CSMD1: variants seen among roughly 807,000 people sequenced by gnomAD.
CSMD1 encodes CUB and Sushi multiple domains 1, also known as CUB and sushi domain-containing protein 1.
CSMD1 carries 213 observed loss-of-function variants against 417.5 expected under a neutral mutation model. That is an observed-to-expected ratio of 0.51 (90% CI 0.46 to 0.57). The LOEUF (loss-of-function observed/expected upper bound fraction) is 0.57. Among genes scored for constraint, CSMD1 ranks in the 20% least tolerant of loss-of-function variants. The pLI, the probability that CSMD1 is intolerant of heterozygous loss-of-function variation, is 0.00. For missense variants in CSMD1, 6,923 were observed against 4,529.7 expected, an observed-to-expected ratio of 1.53 and a Z score of -15.17; for synonymous variants, 2,862 against 1,736.8, an observed-to-expected ratio of 1.65 and a Z score of -16.11.
At chr8:3,536,689 T>C (rs1173981547) in intron 10 of CSMD1, among the ~76,000 whole-genome samples, 2 of 152,064 alleles carry the variant, frequency 1.3e-5, no homozygotes, top group East Asian at 1.9e-4. Flanking sequence ...AGCAATAGGA[T>C]CTGTGCCCTC....
intron 1 of CSMD1, among the ~76,000 whole-genome samples, chr8:4,680,385 A>T (rs1805961939): frequency 6.6e-6 from 1 of 152,198 alleles, no homozygotes; most frequent in Non-Finnish European, 1.5e-5. Flanking sequence ...ACTGTTCAAT[A>T]CAAGTGCACT....
At chr8:3,509,737 G>C (rs1563106771) in intron 10 of CSMD1, among the ~76,000 whole-genome samples, 2 of 152,128 alleles carry the variant, frequency 1.3e-5, no homozygotes, top group Admixed American at 6.5e-5. Flanking sequence ...AGAATAATCA[G>C]AGTGATATTT....
chr8:4,810,182 T>G (rs1414087245), intron 1 of CSMD1, among the ~76,000 whole-genome samples: 1 of 152,208 alleles, frequency 6.6e-6, no homozygotes, highest in Non-Finnish European at 1.5e-5. Context: ...CTTCAAGAAC[T>G]GAGCAGTATT....
intron 6 of CSMD1, among the ~76,000 whole-genome samples, chr8:3,729,414 C>T (rs140395863): frequency 3.9e-5 from 6 of 152,158 alleles, no homozygotes; most frequent in Non-Finnish European, 8.8e-5. Flanking sequence ...GCACAACTCT[C>T]TGCATGTTAA....
intron 5 of CSMD1, among the ~76,000 whole-genome samples, chr8:3,941,282 C>A (rs1315271452): frequency 6.6e-6 from 1 of 152,058 alleles, no homozygotes; most frequent in Non-Finnish European, 1.5e-5. Context: ...TACAAATTCC[C>A]AAAATATTAT....
intron 3 of CSMD1, among the ~76,000 whole-genome samples, chr8:4,149,670 T>C (rs1796463636): frequency 6.6e-6 from 1 of 152,218 alleles, no homozygotes; most frequent in South Asian, 2.1e-4. Flanking sequence ...TGCTAAGTGC[T>C]ACACTGAAGG....
intron 11 of CSMD1, among the ~76,000 whole-genome samples, chr8:3,483,825 C>G (rs1361374823): frequency 2.6e-5 from 4 of 152,024 alleles, no homozygotes; most frequent in African/African-American, 9.7e-5. Context: ...TTATGAAAGG[C>G]TGAGTCAACT....
At chr8:3,566,348 C>T (rs920084604) in intron 10 of CSMD1, among the ~76,000 whole-genome samples, 13 of 152,108 alleles carry the variant, frequency 8.5e-5, no homozygotes, top group African/African-American at 3.1e-4. Context: ...TTCCTCACAA[C>T]AAAATTTAAA....
intron 2 of CSMD1, among the ~76,000 whole-genome samples, chr8:4,553,412 T>G (rs564719589): frequency 6.6e-6 from 1 of 152,188 alleles, no homozygotes; most frequent in South Asian, 2.1e-4. Flanking sequence ...TAATTACTCC[T>G]GACAGGCATT....
chr8:4,966,026 C>G (rs758953652), intron 1 of CSMD1, among the ~76,000 whole-genome samples: 59 of 152,004 alleles, frequency 3.9e-4, no homozygotes, highest in Middle Eastern at 3.4e-3. Context: ...TTATGATATG[C>G]AAGTATTTTT....
Position 3,847,449 on chromosome 8 carries a change from C to T in CSMD1, c.819-93407G>A, listed in dbSNP as rs1803583903. ...TGCGAGCAGTGGGCAGTTTTGGGGTCCTGAGCATCTCAGCCCTATACTTGC... is the reference window on the plus strand; with the variant it reads ...TGCGAGCAGTGGGCAGTTTTGGGGTTCTGAGCATCTCAGCCCTATACTTGC... On this transcript the variant is annotated intron_variant, in intron 5 of 69. Coordinates refer to ENST00000635120, the MANE Select transcript of CSMD1 (RefSeq NM_033225.6). Among the ~76,000 whole-genome samples, 2 of 152,176 alleles carry T rather than the reference C, an allele frequency of 1.3e-5. 1 individual carries two copies. The highest frequency in any genetic ancestry group is 4.2e-4 in the South Asian group (2 of 4,812).
At chr8:4,896,351 G>A (rs1804479676) in intron 1 of CSMD1, among the ~76,000 whole-genome samples, 1 of 151,934 alleles carries the variant, frequency 6.6e-6, no homozygotes, top group Admixed American at 6.6e-5. Context: ...GCATATTTGA[G>A]CTTAACACAG....
intron 41 of CSMD1, among the ~76,000 whole-genome samples, chr8:3,126,611 A>AT (rs747560194): frequency 3.3e-5 from 5 of 152,148 alleles, no homozygotes; most frequent in Non-Finnish European, 5.9e-5. Flanking sequence ...CCAATTTCCC[A>AT]TATCTATCGG....
At chr8:3,965,336 T>C (rs563533012) in intron 5 of CSMD1, among the ~76,000 whole-genome samples, 2 of 152,270 alleles carry the variant, frequency 1.3e-5, no homozygotes, top group East Asian at 3.9e-4. Context: ...TGTTCTTTGA[T>C]GCTTAAATAA....
At chr8:3,498,279 A>C (rs1796450351) in intron 10 of CSMD1, among the ~76,000 whole-genome samples, 1 of 152,184 alleles carries the variant, frequency 6.6e-6, no homozygotes. Flanking sequence ...TGCTATATCA[A>C]GGTGTGGATA....
At chr8:4,456,821 A>G (rs1338858809) in intron 2 of CSMD1, among the ~76,000 whole-genome samples, 1 of 152,082 alleles carries the variant, frequency 6.6e-6, no homozygotes, top group Non-Finnish European at 1.5e-5. Flanking sequence ...AGGCTGAGCC[A>G]GTGGGTACCT....
intron 5 of CSMD1, among the ~76,000 whole-genome samples, chr8:3,979,193 G>A (rs754138664): frequency 6.6e-6 from 1 of 152,188 alleles, no homozygotes; most frequent in Non-Finnish European, 1.5e-5. Flanking sequence ...CTAACAGACA[G>A]GGACAGCCAA....
chr8:4,531,821 A>G (rs1796830732), intron 2 of CSMD1, among the ~76,000 whole-genome samples: 2 of 152,198 alleles, frequency 1.3e-5, no homozygotes, highest in Admixed American at 1.3e-4. Context: ...ATCCCTTTTC[A>G]GAAACTTTTA....
intron 5 of CSMD1, among the ~76,000 whole-genome samples, chr8:3,986,664 T>A (rs962901890): frequency 3.3e-5 from 5 of 152,196 alleles, no homozygotes; most frequent in African/African-American, 1.2e-4. Flanking sequence ...CCATGAGATA[T>A]GAGGGACAGA....
Sources: allele counts gnomAD v4.1 joint callset (sites outside exome capture counted in the v4.1 genomes callset), GRCh38; gene constraint gnomAD v4.1.1; transcripts MANE v1.5; gene names NCBI Gene and HGNC (gene_info 2026-07-23, HGNC 2026-07-21).